The following SCN9A variants were observed in gnomAD, a reference collection of about 807,000 sequenced individuals.
SCN9A encodes sodium channel protein type 9 subunit alpha.
In SCN9A, 131 loss-of-function variants were observed where a neutral mutation model predicts 187.0. The ratio of observed to expected loss-of-function variants is 0.70; its 90% CI spans 0.61 to 0.81. SCN9A has a LOEUF of 0.81. Among genes scored for constraint, SCN9A ranks in the 30% least tolerant of loss-of-function variants. The probability of loss-of-function intolerance (pLI) is 0.00; values close to 1 mark genes in which losing one functional copy is unlikely to be tolerated. For synonymous variants in SCN9A, 809 were observed against 808.6 expected (o/e 1.00, Z -0.01); for missense variants, 2,252 against 2,396.6 (o/e 0.94, Z 1.26).
chr2:166,265,257 T>C (rs1175147475), intron 17 of SCN9A, among the ~76,000 whole-genome samples: 1 of 151,954 alleles, frequency 6.6e-6, no homozygotes, highest in Non-Finnish European at 1.5e-5. Flanking sequence ...TATTCTACTA[T>C]CTACTTCTAT....
intron 5 of SCN9A, among the ~76,000 whole-genome samples, chr2:166,304,798 A>G (rs1329012012): frequency 6.6e-6 from 1 of 152,106 alleles, no homozygotes; most frequent in Non-Finnish European, 1.5e-5. Flanking sequence ...TAATGAGTAC[A>G]GAGTTTCTAT....
At chr2:166,358,218 C>T (rs1380422020) in intron 1 of SCN9A, among the ~76,000 whole-genome samples, 1 of 151,854 alleles carries the variant, frequency 6.6e-6, no homozygotes, top group Non-Finnish European at 1.5e-5. Flanking sequence ...TAGAGGTACC[C>T]ACCACCACAC....
intron 1 of SCN9A, among the ~76,000 whole-genome samples, chr2:166,367,426 A>G (rs911002109): frequency 6.6e-6 from 1 of 151,496 alleles, no homozygotes; most frequent in African/African-American, 2.4e-5. Flanking sequence ...CCATGCCTGG[A>G]TAGTTTTTGT....
At chr2:166,295,450 C>T (rs756996667) in intron 7 of SCN9A, among the ~76,000 whole-genome samples, 2 of 152,120 alleles carry the variant, frequency 1.3e-5, no homozygotes, top group Non-Finnish European at 2.9e-5. Context: ...CTACCATACA[C>T]CTAGGCTATG....
rs1001676286 is a variant in SCN9A, at chr2:166,197,407, G to T, written c.*1265C>A. The T allele has an allele frequency of 6.6e-6, 1 of 152,036 alleles. No homozygotes were observed. Among genetic ancestry groups the T allele is most frequent in the African/African-American group, 2.4e-5 (1 of 41,420 alleles). The allele number at this position is 152,036 out of a possible 1,614,324, so 9.4% of individuals were successfully genotyped here. ...TCACATCATAGAATTTTAAGGAGAA[G>T]GTGACATCTTCCTCATTGTATACAT... On this transcript the variant is annotated 3_prime_UTR_variant, in exon 27 of 27. Transcript: ENST00000642356.
At chr2:166,239,514 A>T (rs1408865048) in intron 19 of SCN9A, among the ~76,000 whole-genome samples, 1 of 152,140 alleles carries the variant, frequency 6.6e-6, no homozygotes, top group African/African-American at 2.4e-5. Context: ...GAAAAGAGAC[A>T]AGTTGGGGCA....
At chr2:166,311,861 A>G in intron 1 of SCN9A, 55 bp from the exon 2 acceptor site, 2 of 1,074,282 alleles carry the variant, frequency 1.9e-6, no homozygotes, top group Non-Finnish European at 2.6e-6. Flanking sequence ...AGAAAGGCCC[A>G]TTAAAAACTA....
At chr2:166,213,402 A>G (rs1053115585) in intron 24 of SCN9A, among the ~76,000 whole-genome samples, 4 of 150,088 alleles carry the variant, frequency 2.7e-5, no homozygotes, top group East Asian at 1.9e-4. Context: ...CCAAAAATAT[A>G]CAACCTACCA....
intron 1 of SCN9A, among the ~76,000 whole-genome samples, chr2:166,356,826 G>A (rs958856571): frequency 1.3e-5 from 2 of 152,090 alleles, no homozygotes; most frequent in African/African-American, 4.8e-5. Flanking sequence ...GCTTCATAAA[G>A]TCCTATTGTA....
In SCN9A at chr2:166,284,473, T is replaced by A. The variant is rs1376476211; in HGVS notation, c.1954A>T (p.Lys652Ter). 1 of 1,613,424 alleles carries A rather than the reference T, an allele frequency of 6.2e-7. No homozygotes were observed. The highest frequency in any genetic ancestry group is 8.5e-7 in the Non-Finnish European group (1 of 1,179,776). Residue 652 changes from lysine (K) to a stop codon, truncating the protein, a stop_gained, in exon 12 of 27, where the codon AAG becomes TAG. Coordinates refer to ENST00000642356, the MANE Select transcript of SCN9A (RefSeq NM_001365536.1). LOFTEE classifies it high-confidence loss of function. ...CTTACGCTGTCATCAGAAGTTGCCT[T>A]ATCTATTATCACCTCTGGCAGAAGC... is the stretch of plus-strand genomic sequence containing the variant. ...GQLLPEVIID[K>*]ATSDDSGTTN...
At chr2:166,285,515 C>G (rs1697697104) in intron 11 of SCN9A, among the ~76,000 whole-genome samples, 1 of 152,160 alleles carries the variant, frequency 6.6e-6, no homozygotes, top group South Asian at 2.1e-4. Flanking sequence ...TCAAAACCAG[C>G]TTGGACTGCT....
intron 7 of SCN9A, among the ~76,000 whole-genome samples, chr2:166,297,740 TA>T (rs1365761067): frequency 2.0e-5 from 3 of 151,792 alleles, no homozygotes; most frequent in Admixed American, 1.3e-4. Flanking sequence ...TTATACAGTT[TA>T]AAAAAAGGAA....
chr2:166,357,862 AC>A (rs1188718898), intron 1 of SCN9A, among the ~76,000 whole-genome samples: 1 of 151,896 alleles, frequency 6.6e-6, no homozygotes, highest in Non-Finnish European at 1.5e-5. Flanking sequence ...GAAAGATGCC[AC>A]CTTTTGAAAC....
chr2:166,249,038 C>T (rs934705220), intron 18 of SCN9A, among the ~76,000 whole-genome samples: 2 of 151,944 alleles, frequency 1.3e-5, no homozygotes, highest in Non-Finnish European at 2.9e-5. Context: ...CTTGGTTTTT[C>T]CCAAATGTTA....
intron 17 of SCN9A, among the ~76,000 whole-genome samples, chr2:166,261,250 A>C (rs934304482): frequency 6.6e-6 from 1 of 151,900 alleles, no homozygotes; most frequent in Non-Finnish European, 1.5e-5. Context: ...GAGAATCCAG[A>C]TTTTATTCAG....
chr2:166,201,449 C>T (rs558113412), intron 26 of SCN9A, among the ~76,000 whole-genome samples: 8 of 127,290 alleles, frequency 6.3e-5, no homozygotes, highest in African/African-American at 8.4e-5. Context: ...ATAGAGTATG[C>T]GTATACTATA....
chr2:166,199,049 C>T lies in SCN9A; in HGVS notation c.5590G>A (p.Glu1864Lys). 6.2e-7 allele frequency: 1 copy of T among 1,614,134 alleles called. No homozygotes were observed. The highest frequency in any genetic ancestry group is 8.5e-7 in the Non-Finnish European group (1 of 1,180,034). ...GEMDSLRSQM[E>K]ERFMSANPSK... ...GGATTTGCAGACATGAACCTTTCTT[C>T]CATCTGTGAACGAAGAGAATCCATC... The change falls in exon 27 of 27, where the codon GAA becomes AAA. Residue 1864 changes from glutamate to lysine, a missense_variant. Physicochemically the swap from Glu to Lys is moderately conservative, Grantham distance 56. Transcript: ENST00000642356.
chr2:166,316,180 T>C (rs541464325), intron 1 of SCN9A, among the ~76,000 whole-genome samples: 1 of 152,264 alleles, frequency 6.6e-6, no homozygotes, highest in South Asian at 2.1e-4. Flanking sequence ...ATATATCTCA[T>C]AAAATTTAGT....
In SCN9A at chr2:166,204,154, G is replaced by GAT. The variant is rs1558945207; in HGVS notation, c.4573_4574dup (p.Cys1526SerfsTer6). 6.2e-7 allele frequency: 1 copy of GAT among 1,611,748 alleles called. No individual in the cohort carries two copies. The highest frequency in any genetic ancestry group is 2.2e-5 in the East Asian group (1 of 44,774). ...CCATCATGGTTACCATGTTGAGACA[G>GAT]ATAAGAACCATGATACTAATATCAA... is the stretch of plus-strand genomic sequence containing the variant. On this transcript the variant is annotated frameshift_variant, in exon 26 of 27. Coordinates refer to ENST00000642356, the MANE Select transcript of SCN9A (RefSeq NM_001365536.1). LOFTEE classifies it high-confidence loss of function.
Sources: gnomAD v4.1 joint callset for allele counts (sites outside exome capture counted in the v4.1 genomes callset) on GRCh38, gnomAD v4.1.1 for gene constraint, MANE v1.5 for transcripts, NCBI Gene and HGNC (gene_info 2026-07-23, HGNC 2026-07-21) for gene names.